Variants in MLH3 observed in about 807,000 individuals in gnomAD.
The protein encoded by MLH3 is mutL homolog 3.
MLH3 carries 82 observed loss-of-function variants against 122.2 expected under a neutral mutation model. The observed-to-expected ratio is 0.67, with a 90% confidence interval of 0.56 to 0.81. MLH3 has a LOEUF of 0.81. MLH3 is among the 30% of genes least tolerant of loss of function. MLH3 has a pLI of 0.00. For missense variants in MLH3, 1,539 were observed against 1,714.5 expected (o/e 0.90, Z 1.81); for synonymous variants, 524 against 599.5 (o/e 0.87, Z 1.84).
chr14:75,023,452 G>C (rs1175132590), intron 9 of MLH3, among the ~76,000 whole-genome samples: 1 of 152,194 alleles, frequency 6.6e-6, no homozygotes, highest in Admixed American at 6.5e-5. Context: ...CCACTGCTCA[G>C]TATAACACTT....
rs1891860805 is a variant in MLH3 at position 75,041,606 on chromosome 14, C to T, written c.3465+9G>A. 1 of 1,607,498 alleles carries T rather than the reference C, an allele frequency of 6.2e-7. No individual in the cohort carries two copies. The highest frequency in any genetic ancestry group is 8.5e-7 in the Non-Finnish European group (1 of 1,174,086). On this transcript the variant is annotated intron_variant, in intron 4 of 12. Coordinates refer to ENST00000355774, the MANE Select transcript of MLH3 (RefSeq NM_001040108.2). ...AAAAAAAGGCAAAGAAAAACTGCTA[C>T]AGACCCACCTCTGGATAACGGGCAA...
intron 5 of MLH3, among the ~76,000 whole-genome samples, chr14:75,039,108 C>T (rs1216270678): frequency 4.6e-5 from 7 of 152,118 alleles, no homozygotes; most frequent in Admixed American, 1.3e-4. Context: ...CCACCCACCT[C>T]GGCCTCCCAA....
intron 3 of MLH3, among the ~76,000 whole-genome samples, 163 bp downstream of exon 3, chr14:75,042,216 T>C (rs1413465285): frequency 6.6e-6 from 1 of 152,254 alleles, no homozygotes; most frequent in Non-Finnish European, 1.5e-5. Flanking sequence ...CCTAAATGCA[T>C]GCGCTGAATT....
intron 11 of MLH3, 111 bp downstream of exon 11, chr14:75,022,703 T>C (rs1566885076): frequency 3.2e-6 from 3 of 943,746 alleles, no homozygotes; most frequent in African/African-American, 1.6e-5. Flanking sequence ...TAAATTGTAT[T>C]CTCCAAGAGT....
chr14:75,037,142 T>C (rs1304349040), intron 6 of MLH3, among the ~76,000 whole-genome samples: 1 of 152,214 alleles, frequency 6.6e-6, no homozygotes, highest in Non-Finnish European at 1.5e-5. Context: ...TCCTACCTAC[T>C]TCTCTAGCCT....
intron 9 of MLH3, among the ~76,000 whole-genome samples, chr14:75,029,308 G>A (rs925966737): frequency 5.3e-5 from 8 of 151,972 alleles, no homozygotes; most frequent in Admixed American, 5.2e-4. Flanking sequence ...AAGAGGAAAG[G>A]TTGGTCTTGC....
At chr14:75,038,156 C>T (rs979980229) in intron 6 of MLH3, among the ~76,000 whole-genome samples, 184 bp downstream of exon 6, 1 of 152,200 alleles carries the variant, frequency 6.6e-6, no homozygotes, top group Non-Finnish European at 1.5e-5. Flanking sequence ...TGCCTCACCT[C>T]CCAAAGTGTT....
Position 75,051,448 on chromosome 14 carries a change from T to G in MLH3, c.-132A>C, listed in dbSNP as rs1364923653. The G allele has an allele frequency of 6.6e-6, 1 of 152,168 alleles. No homozygotes were observed. The highest frequency in any genetic ancestry group is 2.1e-4 in the South Asian group (1 of 4,828). 9.4% of individuals were successfully genotyped at this position (152,168 alleles called of 1,614,324 possible). A position where few individuals can be genotyped will look rare whatever the true frequency, so the allele number is the denominator to read the frequency against. On this transcript the variant is annotated 5_prime_UTR_variant, in exon 1 of 13. Coordinates refer to ENST00000355774, the MANE Select transcript of MLH3 (RefSeq NM_001040108.2). Reference sequence around the variant, plus strand: ...ACGCCGACGCGCGCACCTTGGATCTTGAGGCTCGTGCGTGCCCACGAGCAT... The same window carrying G: ...ACGCCGACGCGCGCACCTTGGATCTGGAGGCTCGTGCGTGCCCACGAGCAT...
chr14:75,017,324 G>T, intron 12 of MLH3, 123 bp from the exon 13 acceptor site: 1 of 981,112 alleles, frequency 1.0e-6, no homozygotes, highest in South Asian at 1.3e-5. Flanking sequence ...GGATCACAAG[G>T]TCAGGAGTTT....
rs370383198 is a variant in MLH3 at position 75,047,779 on chromosome 14, G to C, written c.1877C>G (p.Ser626Ter). 1.2e-6 allele frequency: 2 copies of C among 1,613,940 alleles called. No homozygotes were observed. The highest frequency in any genetic ancestry group is 1.7e-5 in the Admixed American group (1 of 60,020). The change falls in exon 2 of 13, where the codon TCA becomes TGA. Residue 626 changes from serine to a stop codon, truncating the protein, a stop_gained. Coordinates refer to ENST00000355774, the MANE Select transcript of MLH3 (RefSeq NM_001040108.2). LOFTEE classifies it high-confidence loss of function. ...ACCAGGTCTAACATAATTTTTAAATGAATGTTCTGTTTCAGTTGATTTAGT... is the reference window on the plus strand; with the variant it reads ...ACCAGGTCTAACATAATTTTTAAATCAATGTTCTGTTTCAGTTGATTTAGT... ...EKTKSTETEH[S>*]FKNYVRPGPT...
At position 75,018,948 on chromosome 14, in the gene MLH3, G is replaced by C. The variant is rs1433367660; in HGVS notation, c.4123C>G (p.Gln1375Glu). Reference sequence around the variant, plus strand: ...GCTTCAATAAGGCGGCAACTTTCCTGTAAGCTCAGGCCATCATTAAACTTA... The same window carrying C: ...GCTTCAATAAGGCGGCAACTTTCCTCTAAGCTCAGGCCATCATTAAACTTA... ...AIKFNDGLSL[Q>E]ESCRLIEALS... The change falls in exon 12 of 13, where the codon CAG (glutamine) becomes GAG (glutamate). Residue 1375 changes from glutamine to glutamate, a missense_variant. Coordinates refer to ENST00000355774, the MANE Select transcript of MLH3 (RefSeq NM_001040108.2). The C allele has an allele frequency of 6.2e-7, 1 of 1,614,058 alleles. No individual in the cohort carries two copies. The highest frequency in any genetic ancestry group is 2.2e-5 in the East Asian group (1 of 44,900).
intron 11 of MLH3, among the ~76,000 whole-genome samples, chr14:75,021,150 T>G (rs1186600455): frequency 1.3e-5 from 2 of 152,248 alleles, no homozygotes; most frequent in Non-Finnish European, 2.9e-5. Context: ...GTGCTGGGAT[T>G]ACAGGCGTAA....
At position 75,048,988 on chromosome 14, in the gene MLH3, A is replaced by T; in HGVS notation, c.668T>A (p.Leu223Gln). 6.2e-7 allele frequency: 1 copy of T among 1,613,960 alleles called. No individual in the cohort carries two copies. Among genetic ancestry groups the T allele is most frequent in the Non-Finnish European group, 8.5e-7 (1 of 1,179,966 alleles). Residue 223 changes from leucine to glutamine, a missense_variant, in exon 2 of 13, where the codon CTA becomes CAA. Coordinates refer to ENST00000355774, the MANE Select transcript of MLH3 (RefSeq NM_001040108.2). ...TTTATATTTAAAACTTATTTCTCTT[A>T]GCTTTTGGGACTTTCCCAATCCATA... ...QIYGLGKSQK[L>Q]REISFKYKEF...
chr14:75,030,620 C>G lies in MLH3; in HGVS notation c.3910G>C (p.Val1304Leu). The G allele has an allele frequency of 6.2e-7, 1 of 1,613,840 alleles. No individual in the cohort carries two copies. Among genetic ancestry groups the G allele is most frequent in the Non-Finnish European group, 8.5e-7 (1 of 1,179,784 alleles). The change falls in exon 9 of 13, where the codon GTA (valine) becomes CTA (leucine). Residue 1304 changes from valine (V) to leucine (L), a missense_variant. Coordinates refer to ENST00000355774, the MANE Select transcript of MLH3 (RefSeq NM_001040108.2). ...TSDSLVLVGK[V>L]PLCFVEREAN... ...TCTCTTTCCACAAAACATAGTGGTA[C>G]TTTTCCCACAAGGACCAGAGAATCA...
At position 75,016,034 on chromosome 14, in the gene MLH3, A is replaced by G; in HGVS notation, c.*1048T>C. The G allele has an allele frequency of 4.3e-6, 1 of 230,030 alleles. No individual in the cohort carries two copies. The highest frequency in any genetic ancestry group is 5.6e-5 in the Admixed American group (1 of 17,702). The allele number at this position is 230,030 out of a possible 1,614,324, so 14.2% of individuals were successfully genotyped here. A position where few individuals can be genotyped will look rare whatever the true frequency, so the allele number is the denominator to read the frequency against. On this transcript the variant is annotated 3_prime_UTR_variant, in exon 13 of 13. Transcript: ENST00000355774. ...TTTTGCATTTTTTTTCTACTATGCAATTTTAGTCTGTTGAGTCCTATTAAC... is the reference window on the plus strand; with the variant it reads ...TTTTGCATTTTTTTTCTACTATGCAGTTTTAGTCTGTTGAGTCCTATTAAC...
At chr14:75,050,750 C>T (rs1892601810) in intron 1 of MLH3, 2 of 152,162 alleles carry the variant, frequency 1.3e-5, no homozygotes, top group Non-Finnish European at 2.9e-5. Context: ...GCATAAACTA[C>T]CTTGGTAATA....
chr14:75,036,359 T>TTA (rs1555342973), intron 6 of MLH3, among the ~76,000 whole-genome samples: 7 of 149,892 alleles, frequency 4.7e-5, no homozygotes, highest in Admixed American at 1.3e-4. Flanking sequence ...TTTTATTTTA[T>TTA]TTTTTTGACA....
intron 11 of MLH3, among the ~76,000 whole-genome samples, chr14:75,021,027 C>T (rs930665389): frequency 6.6e-6 from 1 of 152,188 alleles, no homozygotes; most frequent in Non-Finnish European, 1.5e-5. Flanking sequence ...CAGGTGCCCG[C>T]CACCACGCCT....
chr14:75,022,788 G>A (rs753137647), intron 11 of MLH3, 26 bp downstream of exon 11: 1 of 1,606,786 alleles, frequency 6.2e-7, no homozygotes, highest in Non-Finnish European at 8.5e-7. Flanking sequence ...AGAGGTGTTT[G>A]ATCACTGCTA....
Sources: gnomAD v4.1 joint callset for allele counts (sites outside exome capture counted in the v4.1 genomes callset) on GRCh38, gnomAD v4.1.1 for gene constraint, MANE v1.5 for transcripts, NCBI Gene and HGNC (gene_info 2026-07-23, HGNC 2026-07-21) for gene names.